The following SATB2 variants were observed in gnomAD, a reference collection of about 807,000 sequenced individuals.
The protein encoded by SATB2 is DNA-binding protein SATB2.
A neutral mutation model predicts 73.4 loss-of-function variants in SATB2; 1 was observed. The ratio of observed to expected loss-of-function variants is 0.01; its 90% confidence interval spans 0.00 to 0.06. The LOEUF is 0.06. Ranked by LOEUF, SATB2 falls within the 10% of genes least tolerant of loss-of-function variation. SATB2 has a pLI of 1.00. For synonymous variants in SATB2, 397 were observed against 367.0 expected (o/e 1.08, Z -0.93); for missense variants, 459 against 945.8 (o/e 0.49, Z 6.75).
intron 2 of SATB2, among the ~76,000 whole-genome samples, chr2:199,442,684 C>T (rs1339229850): frequency 6.6e-6 from 1 of 152,060 alleles, no homozygotes; most frequent in Non-Finnish European, 1.5e-5. Context: ...GAGTTCGAGG[C>T]TACAGTGAGC....
chr2:199,284,362 A>T (rs1300031729), intron 10 of SATB2, among the ~76,000 whole-genome samples: 1 of 152,236 alleles, frequency 6.6e-6, no homozygotes, highest in Non-Finnish European at 1.5e-5. Flanking sequence ...AAAGTTCATC[A>T]ATATAGTTTT....
rs1260812996 is a variant in SATB2, at chr2:199,457,314, G to T, written c.-60+25C>A. 6.6e-6 allele frequency: 1 copy of T among 152,086 alleles called. No individual in the cohort carries two copies. The highest frequency in any genetic ancestry group is 6.5e-5 in the Admixed American group (1 of 15,278). 9.4% of individuals were successfully genotyped at this position (152,086 alleles called of 1,614,324 possible). ...TTCCCCGAACTCCCGAGCGCGGCGC[G>T]GGAGCCCTCGCCCTGCGTACTTACT... On this transcript the variant is annotated intron_variant, in intron 1 of 10. Transcript: ENST00000417098. The surrounding 1 kb of genome is among the most constrained non-coding windows in gnomAD (Gnocchi z 4.8).
In SATB2 at chr2:199,272,116, A is replaced by G; in HGVS notation, c.*95T>C. 7.7e-7 allele frequency: 1 copy of G among 1,306,152 alleles called. No individual in the cohort carries two copies. The highest frequency in any genetic ancestry group is 1.2e-5 in the South Asian group (1 of 83,738). The allele number at this position is 1,306,152 out of a possible 1,614,324, so 80.9% of individuals were successfully genotyped here. ...AAAATAAAGCCAAAAAAACCCAAAAACAAAAACAAAAAACAAACTAACAAA... is the reference window on the plus strand; with the variant it reads ...AAAATAAAGCCAAAAAAACCCAAAAGCAAAAACAAAAAACAAACTAACAAA... On this transcript the variant is annotated 3_prime_UTR_variant, in exon 11 of 11. Coordinates refer to ENST00000417098, the MANE Select transcript of SATB2 (RefSeq NM_001172509.2). The surrounding 1 kb of genome is among the most constrained non-coding windows in gnomAD (Gnocchi z 6.7).
rs565421710 is a variant in SATB2 at position 199,336,687 on chromosome 2, T to C, written c.1174-7777A>G. Among the ~76,000 whole-genome samples, 74 of 152,304 alleles carry C rather than the reference T, an allele frequency of 4.9e-4. 1 individual carries two copies. In the South Asian group the frequency reaches 0.012, roughly 25 times the overall value. Reference sequence around the variant, plus strand: ...ACATAGCACATGGGACACGTCACAGTCCTAATGATTTCACAAAAGGATTAC... The same window carrying C: ...ACATAGCACATGGGACACGTCACAGCCCTAATGATTTCACAAAAGGATTAC... On this transcript the variant is annotated intron_variant, in intron 7 of 10. Coordinates refer to ENST00000417098, the MANE Select transcript of SATB2 (RefSeq NM_001172509.2).
At chr2:199,382,584 C>A (rs560494750) in intron 3 of SATB2, among the ~76,000 whole-genome samples, 1 of 152,136 alleles carries the variant, frequency 6.6e-6, no homozygotes, top group Non-Finnish European at 1.5e-5. Context: ...TTTAGGAATA[C>A]CCTTGTTAGA....
At chr2:199,367,551 C>G (rs1304954936) in intron 6 of SATB2, among the ~76,000 whole-genome samples, 1 of 152,140 alleles carries the variant, frequency 6.6e-6, no homozygotes, top group East Asian at 1.9e-4. Flanking sequence ...CCTGTCTCCC[C>G]TGAGAAAATC....
intron 6 of SATB2, among the ~76,000 whole-genome samples, chr2:199,352,536 A>C (rs1688849737): frequency 6.6e-6 from 1 of 152,198 alleles, no homozygotes; most frequent in African/African-American, 2.4e-5. Flanking sequence ...AGTTAAGAAG[A>C]GCAACTATGG....
At chr2:199,371,726 T>A (rs1689453493) in intron 5 of SATB2, among the ~76,000 whole-genome samples, 1 of 152,210 alleles carries the variant, frequency 6.6e-6, no homozygotes, top group African/African-American at 2.4e-5. Context: ...TTAGGATCCA[T>A]ATCTTTTTGA....
intron 3 of SATB2, among the ~76,000 whole-genome samples, chr2:199,389,344 G>C (rs1014687676): frequency 6.6e-6 from 1 of 151,878 alleles, no homozygotes; most frequent in African/African-American, 2.4e-5. Flanking sequence ...ATTTCAACTG[G>C]CTTGCATTGG....
chr2:199,409,607 A>C (rs561061600), intron 3 of SATB2, among the ~76,000 whole-genome samples: 1 of 152,194 alleles, frequency 6.6e-6, no homozygotes, highest in South Asian at 2.1e-4. Flanking sequence ...TATACTGCCT[A>C]CTTTATATTT....
intron 3 of SATB2, among the ~76,000 whole-genome samples, chr2:199,427,755 T>C (rs1015160422): frequency 3.9e-5 from 6 of 152,112 alleles, no homozygotes; most frequent in Non-Finnish European, 7.4e-5. Flanking sequence ...AAAATGATTT[T>C]AGAGAATTTA....
At chr2:199,413,136 A>T in intron 3 of SATB2, among the ~76,000 whole-genome samples, 1 of 152,322 alleles carries the variant, frequency 6.6e-6, no homozygotes, top group Middle Eastern at 3.4e-3. Flanking sequence ...TAAAATGTAT[A>T]TCTTCTCATA....
At chr2:199,295,819 A>T (rs571923805) in intron 10 of SATB2, among the ~76,000 whole-genome samples, 3 of 152,198 alleles carry the variant, frequency 2.0e-5, no homozygotes, top group Non-Finnish European at 2.9e-5. Flanking sequence ...CTTGTGAGGA[A>T]ATTGAACTTG....
At chr2:199,306,651 T>C (rs1163355314) in intron 10 of SATB2, among the ~76,000 whole-genome samples, 8 of 152,150 alleles carry the variant, frequency 5.3e-5, no homozygotes, top group African/African-American at 1.9e-4. Context: ...ATAATAAAAC[T>C]CATAAATCAA....
chr2:199,445,819 T>C (rs867984269), intron 2 of SATB2, among the ~76,000 whole-genome samples: 1 of 152,100 alleles, frequency 6.6e-6, no homozygotes, highest in Non-Finnish European at 1.5e-5. Flanking sequence ...AACATCTGAA[T>C]GGAGATGTCT....
At chr2:199,312,809 A>G (rs1687631544) in intron 9 of SATB2, among the ~76,000 whole-genome samples, 1 of 152,228 alleles carries the variant, frequency 6.6e-6, no homozygotes, top group Non-Finnish European at 1.5e-5. Flanking sequence ...AAAGGTTACA[A>G]CATCATGTCT....
At chr2:199,373,967 T>C (rs1331217732) in intron 5 of SATB2, among the ~76,000 whole-genome samples, 1 of 152,232 alleles carries the variant, frequency 6.6e-6, no homozygotes, top group Non-Finnish European at 1.5e-5. Context: ...TCAGCCACTA[T>C]ATATGATGAG....
At chr2:199,325,449 T>G (rs1192437026) in intron 8 of SATB2, 1 of 152,094 alleles carries the variant, frequency 6.6e-6, no homozygotes, top group Non-Finnish European at 1.5e-5. Flanking sequence ...CTCCAAAATC[T>G]CCAATTTATG....
chr2:199,340,975 C>A (rs200060665), intron 7 of SATB2, among the ~76,000 whole-genome samples: 1 of 32,558 alleles, frequency 3.1e-5, no homozygotes, highest in Non-Finnish European at 2.7e-4. Flanking sequence ...AATAGTTTAT[C>A]TATTAAGGAA....
Sources: allele counts gnomAD v4.1 joint callset (sites outside exome capture counted in the v4.1 genomes callset), GRCh38; gene constraint gnomAD v4.1.1; non-coding constraint Gnocchi (gnomAD v3.1); transcripts MANE v1.5; gene names NCBI Gene and HGNC (gene_info 2026-07-23, HGNC 2026-07-21).